The following SIPA1L1 variants were observed in gnomAD, a reference collection of about 807,000 sequenced individuals.
SIPA1L1 encodes signal-induced proliferation-associated 1-like protein 1.
SIPA1L1 carries 26 observed loss-of-function variants against 162.7 expected under a neutral mutation model. That is an observed-to-expected ratio of 0.16 (90% CI 0.12 to 0.22). The LOEUF (loss-of-function observed/expected upper bound fraction) is 0.22, where lower values mean the gene tolerates loss of function less well. Among genes scored for constraint, SIPA1L1 ranks in the 10% least tolerant of loss-of-function variants. The pLI, the probability that SIPA1L1 is intolerant of heterozygous loss-of-function variation, is 1.00. For missense variants in SIPA1L1, 1,874 were observed against 2,241.0 expected (o/e 0.84, Z 3.31); for synonymous variants, 829 against 837.4 (o/e 0.99, Z 0.17).
chr14:71,469,834 G>A (rs1255603599), intron 2 of SIPA1L1, among the ~76,000 whole-genome samples: 1 of 152,168 alleles, frequency 6.6e-6, no homozygotes, highest in Non-Finnish European at 1.5e-5. Flanking sequence ...ACAAACATGA[G>A]GCAGAACTTT....
rs1302399782 is a variant in SIPA1L1, at chr14:71,502,248, A to AT, written c.-464-10495_-464-10494insT. Among the ~76,000 whole-genome samples, 234 of 99,474 alleles carry AT rather than the reference A, an allele frequency of 2.4e-3. 2 individuals are homozygous for AT. The highest frequency in any genetic ancestry group is 1.0e-2 in the South Asian group (28 of 2,814). 65.3% of individuals were successfully genotyped at this position (99,474 alleles called of 152,430 possible). A position where few individuals can be genotyped will look rare whatever the true frequency, so the allele number is the denominator to read the frequency against. ...GAGAGCCTTTGAGATACTTGAAAAA[A>AT]AAAAAAAATATATATATATATATAT... On this transcript the variant is annotated intron_variant, in intron 2 of 23. Coordinates refer to ENST00000381232, the MANE Select transcript of SIPA1L1 (RefSeq NM_001386936.1).
At chr14:71,581,113 AT>A (rs922934721) in intron 4 of SIPA1L1, among the ~76,000 whole-genome samples, 110 of 147,490 alleles carry the variant, frequency 7.5e-4, no homozygotes, top group African/African-American at 1.7e-3. Context: ...AAAATGTTTG[AT>A]TTTTTTTTTT....
intron 2 of SIPA1L1, among the ~76,000 whole-genome samples, chr14:71,495,341 A>T (rs559412975): frequency 9.9e-5 from 15 of 151,706 alleles, no homozygotes; most frequent in African/African-American, 3.4e-4. Flanking sequence ...TTGAGTTGGT[A>T]TTGGTTATTT....
chr14:71,626,432 A>G lies in SIPA1L1; in HGVS notation c.1818+2196A>G, dbSNP rs143859642. On this transcript the variant is annotated intron_variant, in intron 7 of 23. Transcript: ENST00000381232. ...ATACAGCATTCAAAGCCTGGATTGT[A>G]CTGAGATAAAGCAGACGACATGCAT... is the stretch of plus-strand genomic sequence containing the variant. 2.4e-4 allele frequency among the ~76,000 whole-genome samples: 36 copies of G among 152,288 alleles called. No homozygotes were observed. In the East Asian group the frequency reaches 6.2e-3, roughly 26 times the overall value.
intron 2 of SIPA1L1, among the ~76,000 whole-genome samples, chr14:71,335,597 C>T (rs768051073): frequency 2.0e-4 from 31 of 152,086 alleles, no homozygotes; most frequent in Non-Finnish European, 3.8e-4. Context: ...GAATGGTAAT[C>T]GCTTTAATAA....
rs890806986 is a variant in SIPA1L1, at chr14:71,587,937, G to T, written c.65G>T (p.Gly22Val). The T allele has an allele frequency of 4.3e-6, 7 of 1,613,884 alleles. No individual in the cohort carries two copies. The highest frequency in any genetic ancestry group is 4.2e-6 in the Non-Finnish European group (5 of 1,179,888). The change falls in exon 5 of 24, where the codon GGC becomes GTC. Residue 22 changes from glycine (G) to valine (V), a missense_variant. Around this residue, in one of 5 missense-constraint regions of SIPA1L1, gnomAD observed 685 missense variants for 828.0 expected, o/e 0.83. Coordinates refer to ENST00000381232, the MANE Select transcript of SIPA1L1 (RefSeq NM_001386936.1). Reference protein sequence around the residue: ...PLATDRASVVGTDGTPKVHTD... With the variant: ...PLATDRASVVVTDGTPKVHTD... The stretch of plus-strand genomic sequence containing the variant: ...GCCACTGACAGGGCCTCTGTTGTTG[G>T]CACAGACGGCACCCCCAAAGTCCAC...
chr14:71,417,700 G>C (rs1332648756), intron 2 of SIPA1L1, among the ~76,000 whole-genome samples: 1 of 151,848 alleles, frequency 6.6e-6, no homozygotes, highest in African/African-American at 2.4e-5. Context: ...TGGTGTAACT[G>C]TTATTGAAAA....
At chr14:71,510,177 CTTTTTTTTTTT>C (rs985233367) in intron 2 of SIPA1L1, among the ~76,000 whole-genome samples, 3 of 77,468 alleles carry the variant, frequency 3.9e-5, no homozygotes, top group South Asian at 5.5e-4. Context: ...TCCCCCCCAC[CTTTTTTTTTTT>C]TTTTTTTTTT....
chr14:71,588,714 C>A lies in SIPA1L1; in HGVS notation c.842C>A (p.Pro281Gln). Residue 281 changes from proline to glutamine, a missense_variant, in exon 5 of 24, where the codon CCA becomes CAA. By Grantham distance (76) the Pro-to-Gln change is moderately conservative. This residue lies in a region of SIPA1L1 where 685 missense variants were observed against 828.0 expected (regional missense o/e 0.83). Coordinates refer to ENST00000381232, the MANE Select transcript of SIPA1L1 (RefSeq NM_001386936.1). This position sits in a 1 kb window ranked among gnomAD's most constrained non-coding sequence, Gnocchi z 4.3. ...NLRLFKEREK[P>Q]LKRRSKSETG... ...AGGCTTTTTAAGGAAAGGGAAAAACCACTCAAGCGACGTTCAAAATCTGAA... is the reference window on the plus strand; with the variant it reads ...AGGCTTTTTAAGGAAAGGGAAAAACAACTCAAGCGACGTTCAAAATCTGAA... 1.2e-6 allele frequency: 2 copies of A among 1,614,014 alleles called. No homozygotes were observed. Among genetic ancestry groups the A allele is most frequent in the Non-Finnish European group, 1.7e-6 (2 of 1,179,972 alleles).
chr14:71,498,600 A>C (rs1170378359), intron 2 of SIPA1L1, among the ~76,000 whole-genome samples: 1 of 152,218 alleles, frequency 6.6e-6, no homozygotes, highest in Non-Finnish European at 1.5e-5. Flanking sequence ...CTGTGTGTGC[A>C]GTGAGCATTG....
chr14:71,682,313 T>G (rs189544661), intron 12 of SIPA1L1, among the ~76,000 whole-genome samples: 4 of 152,330 alleles, frequency 2.6e-5, no homozygotes, highest in Admixed American at 2.6e-4. Context: ...AAAAATCCTT[T>G]TATGAAAGTT....
chr14:71,454,362 C>T (rs945592923), intron 2 of SIPA1L1, among the ~76,000 whole-genome samples: 8 of 152,270 alleles, frequency 5.3e-5, no homozygotes, highest in Non-Finnish European at 1.0e-4. Flanking sequence ...CTTTAGCTAT[C>T]CTGGGCGCCA....
Position 71,730,279 on chromosome 14 carries a change from C to A in SIPA1L1, c.4839C>A (p.Thr1613=). The change falls in exon 20 of 24, where the codon ACC becomes ACA. Residue 1613 remains threonine, a synonymous_variant. Coordinates refer to ENST00000381232, the MANE Select transcript of SIPA1L1 (RefSeq NM_001386936.1). ...TCCCGTTGAGGAGGCCTTCTTACAC[C>A]TTAGGAATGAAATCGCTGCATGGTA... The part of the protein sequence containing the change: ...KSLPLRRPSY[T]LGMKSLHGEF... 1 of 1,614,154 alleles carries A rather than the reference C, an allele frequency of 6.2e-7. No homozygotes were observed. Among genetic ancestry groups the A allele is most frequent in the Non-Finnish European group, 8.5e-7 (1 of 1,180,014 alleles).
chr14:71,623,476 AAG>A (rs2039655796), intron 6 of SIPA1L1, among the ~76,000 whole-genome samples: 1 of 152,244 alleles, frequency 6.6e-6, no homozygotes, highest in Non-Finnish European at 1.5e-5. Context: ...TTTAAGAAAT[AAG>A]AGAAAATCTA....
chr14:71,483,061 C>T (rs995081389), intron 2 of SIPA1L1, among the ~76,000 whole-genome samples: 43 of 152,312 alleles, frequency 2.8e-4, no homozygotes, highest in African/African-American at 9.6e-4. Flanking sequence ...TTGTTTTACT[C>T]TCTTTTTGAT....
intron 5 of SIPA1L1, among the ~76,000 whole-genome samples, chr14:71,599,399 G>A (rs934188174): frequency 6.7e-5 from 10 of 150,186 alleles, no homozygotes; most frequent in Non-Finnish European, 1.2e-4. Flanking sequence ...TGATCCACCC[G>A]CCTCGGCCTC....
At chr14:71,698,545 A>G (rs759376357) in intron 13 of SIPA1L1, among the ~76,000 whole-genome samples, 7 of 152,140 alleles carry the variant, frequency 4.6e-5, no homozygotes, top group Non-Finnish European at 7.3e-5. Flanking sequence ...ATTGGAAAAC[A>G]AAGAAGCATA....
At chr14:71,631,124 G>T (rs551919677) in intron 7 of SIPA1L1, among the ~76,000 whole-genome samples, 1 of 152,088 alleles carries the variant, frequency 6.6e-6, no homozygotes, top group Non-Finnish European at 1.5e-5. Flanking sequence ...TGCAGTGTTT[G>T]GTTTTCTGTC....
chr14:71,326,633 T>G lies in SIPA1L1; in HGVS notation c.-465+5452T>G, dbSNP rs182522690. 7.2e-5 allele frequency among the ~76,000 whole-genome samples: 11 copies of G among 152,316 alleles called. No homozygotes were observed. In the East Asian group the frequency reaches 2.1e-3, roughly 29 times the overall value. On this transcript the variant is annotated intron_variant, in intron 2 of 23. Transcript: ENST00000381232. ...CAAGACTTGACTATGGTCAGTGTCT[T>G]TTACTCTGGCTCCATGTTATCTTTC...
Sources: gnomAD v4.1 joint callset for allele counts (sites outside exome capture counted in the v4.1 genomes callset) on GRCh38, gnomAD v4.1.1 for gene constraint, gnomAD v4.1.1 regional missense constraint, Gnocchi (gnomAD v3.1) non-coding constraint, MANE v1.5 for transcripts, NCBI Gene and HGNC (gene_info 2026-07-23, HGNC 2026-07-21) for gene names.